Variants in USH2A observed in about 807,000 individuals in gnomAD.
The protein encoded by USH2A is Usher syndrome 2A (autosomal recessive, mild).
USH2A carries 443 observed loss-of-function variants against 538.9 expected under a neutral mutation model. The observed-to-expected ratio is 0.82, with a 90% CI of 0.76 to 0.89. The LOEUF is 0.89. Among genes scored for constraint, USH2A ranks in the 40% least tolerant of loss-of-function variants. USH2A has a pLI of 0.00. For synonymous variants in USH2A, 2,413 were observed against 2,273.5 expected, an observed-to-expected ratio of 1.06 and a Z score of -1.75; for missense variants, 6,633 against 6,324.8, an observed-to-expected ratio of 1.05 and a Z score of -1.65.
chr1:216,335,081 A>T (rs1025662756), intron 4 of USH2A, among the ~76,000 whole-genome samples: 1 of 151,810 alleles, frequency 6.6e-6, no homozygotes, highest in Non-Finnish European at 1.5e-5. Context: ...AATTTAAAAT[A>T]ACTGAGATCA....
At chr1:216,295,844 G>A (rs1170374894) in intron 9 of USH2A, among the ~76,000 whole-genome samples, 2 of 151,922 alleles carry the variant, frequency 1.3e-5, no homozygotes, top group Non-Finnish European at 2.9e-5. Context: ...GGACAACAAA[G>A]GTTATTCTAT....
chr1:216,170,155 A>T (rs2034248961), intron 21 of USH2A, among the ~76,000 whole-genome samples: 1 of 152,134 alleles, frequency 6.6e-6, no homozygotes, highest in Admixed American at 6.6e-5. Context: ...GTCCCAATTC[A>T]CTAAAAATAA....
intron 21 of USH2A, among the ~76,000 whole-genome samples, chr1:216,098,648 T>C (rs2032504209): frequency 6.6e-6 from 1 of 152,080 alleles, no homozygotes; most frequent in African/African-American, 2.4e-5. Context: ...CATACATCTA[T>C]GGAACACTAA....
intron 32 of USH2A, among the ~76,000 whole-genome samples, chr1:216,039,847 G>A (rs2030187036): frequency 6.6e-6 from 1 of 151,876 alleles, no homozygotes; most frequent in South Asian, 2.1e-4. Context: ...TTTAAGATGA[G>A]CATTTCTATT....
In USH2A at chr1:215,674,718, G is replaced by A. The variant is rs144200261; in HGVS notation, c.13193C>T (p.Ser4398Phe). The change falls in exon 63 of 72, where the codon TCC (serine) becomes TTC (phenylalanine). Residue 4398 changes from serine (S) to phenylalanine (F), a missense_variant. Coordinates refer to ENST00000307340, the MANE Select transcript of USH2A (RefSeq NM_206933.4). ...KYLVRYDNKE[S>F]LAGQGLCLLV... ...CAGGCACAGGCCCTGGCCAGCAAGG[G>A]ACTCTTTATTATCATATCTAACTAA... 39 of 1,614,028 alleles carry A rather than the reference G, an allele frequency of 2.4e-5. No homozygotes were observed. Among genetic ancestry groups the A allele is most frequent in the Non-Finnish European group, 3.3e-5 (39 of 1,180,038 alleles).
chr1:216,362,759 A>G (rs2038518658), intron 4 of USH2A, among the ~76,000 whole-genome samples: 2 of 151,880 alleles, frequency 1.3e-5, no homozygotes, highest in African/African-American at 2.4e-5. Flanking sequence ...CCTGGCCAAC[A>G]TGGTGAAACC....
chr1:215,700,734 T>C (rs1254526787), intron 61 of USH2A, among the ~76,000 whole-genome samples: 2 of 152,168 alleles, frequency 1.3e-5, no homozygotes, highest in African/African-American at 4.8e-5. Context: ...GTCTATTTAT[T>C]TTGTTAATCT....
At position 216,418,586 on chromosome 1, in the gene USH2A, A is replaced by C. The variant is rs779547717; in HGVS notation, c.579T>G (p.Gly193=). ...TCATTACTTTTATTGGAGGTTGCAA[A>C]CCATTTACTGTGCGATAATAAAACA... ...ETMFYYRTVN[G]LQPPIKVMTL... The change falls in exon 3 of 72, where the codon GGT becomes GGG. Residue 193 remains glycine, a synonymous_variant. Coordinates refer to ENST00000307340, the MANE Select transcript of USH2A (RefSeq NM_206933.4). 12 of 1,613,396 alleles carry C rather than the reference A, an allele frequency of 7.4e-6. No homozygotes were observed. The highest frequency in any genetic ancestry group is 5.1e-6 in the Non-Finnish European group (6 of 1,179,576).
intron 13 of USH2A, among the ~76,000 whole-genome samples, chr1:216,244,477 G>A (rs1462747983): frequency 1.3e-5 from 2 of 152,166 alleles, no homozygotes; most frequent in African/African-American, 4.8e-5. Flanking sequence ...ATATAGGGTA[G>A]ACAGGAAAGA....
intron 9 of USH2A, among the ~76,000 whole-genome samples, chr1:216,315,146 T>C (rs1438695809): frequency 1.3e-5 from 2 of 152,166 alleles, no homozygotes; most frequent in Admixed American, 6.6e-5. Context: ...TTTGCAAATA[T>C]GTTAGTTGAC....
chr1:215,966,086 C>T (rs963642937), intron 36 of USH2A, among the ~76,000 whole-genome samples: 1 of 152,088 alleles, frequency 6.6e-6, no homozygotes, highest in Non-Finnish European at 1.5e-5. Context: ...ATCCTAGGGA[C>T]TCTATCCCTA....
At chr1:215,849,116 T>C (rs1336886274) in intron 44 of USH2A, among the ~76,000 whole-genome samples, 1 of 152,146 alleles carries the variant, frequency 6.6e-6, no homozygotes, top group East Asian at 1.9e-4. Context: ...CTTTTTTAAA[T>C]AGAAAAACAT....
At chr1:215,630,103 A>AG in intron 70 of USH2A, 1 of 516,952 alleles carries the variant, frequency 1.9e-6, no homozygotes, top group Admixed American at 1.9e-5. Context: ...GATATATGGA[A>AG]GTCATCAATG....
intron 61 of USH2A, among the ~76,000 whole-genome samples, chr1:215,722,067 T>C (rs910199810): frequency 7.0e-6 from 1 of 141,878 alleles, no homozygotes; most frequent in African/African-American, 2.6e-5. Context: ...CCTGTCTCTT[T>C]AAAAAAAAAA....
chr1:215,678,340 C>T (rs1011889039), intron 62 of USH2A, among the ~76,000 whole-genome samples: 10 of 152,220 alleles, frequency 6.6e-5, no homozygotes, highest in African/African-American at 2.4e-4. Flanking sequence ...GTCCCTCCAA[C>T]CTCTTCTAGT....
Position 216,246,663 on chromosome 1 carries a change from T to G in USH2A, c.2731A>C (p.Thr911Pro). The change falls in exon 13 of 72, where the codon ACC becomes CCC. Residue 911 changes from threonine (T) to proline (P), a missense_variant. Coordinates refer to ENST00000307340, the MANE Select transcript of USH2A (RefSeq NM_206933.4). ...ECDSLGTLPG[T>P]ICDPISGQCL... ...TGGCCACTGATTGGGTCACAAATGG[T>G]CCCAGGTAATGTCCCCAAGGAATCA... The G allele has an allele frequency of 1.2e-6, 2 of 1,614,062 alleles. No individual in the cohort carries two copies. Among genetic ancestry groups the G allele is most frequent in the Non-Finnish European group, 1.7e-6 (2 of 1,179,962 alleles).
chr1:215,760,992 C>G (rs1254158955), intron 56 of USH2A, among the ~76,000 whole-genome samples: 1 of 152,130 alleles, frequency 6.6e-6, no homozygotes, highest in Non-Finnish European at 1.5e-5. Flanking sequence ...ATCCCAATTT[C>G]TTTTTGTGAC....
Position 215,899,825 on chromosome 1 carries a change from C to A in USH2A, c.7594+250G>T, listed in dbSNP as rs112614386. ...ATGTACCCTGAAGGATAGAATGGGG[C>A]CATATCATAATTTATAGTGAATTAC... On this transcript the variant is annotated intron_variant, in intron 40 of 71. Coordinates refer to ENST00000307340, the MANE Select transcript of USH2A (RefSeq NM_206933.4). Among the ~76,000 whole-genome samples, 1,356 of 152,160 alleles carry A rather than the reference C, an allele frequency of 8.9e-3. 15 individuals carry two copies. The highest frequency in any genetic ancestry group is 0.031 in the African/African-American group (1,283 of 41,522).
intron 37 of USH2A, among the ~76,000 whole-genome samples, chr1:215,937,234 T>C (rs151217861): frequency 6.6e-6 from 1 of 152,160 alleles, no homozygotes; most frequent in African/African-American, 2.4e-5. Flanking sequence ...TAAAGAATGA[T>C]TTCAAGGTCC....
Sources: allele counts gnomAD v4.1 joint callset (sites outside exome capture counted in the v4.1 genomes callset), GRCh38; gene constraint gnomAD v4.1.1; transcripts MANE v1.5; gene names NCBI Gene and HGNC (gene_info 2026-07-23, HGNC 2026-07-21).